The following SNX5 variants were observed in gnomAD, a reference collection of about 807,000 sequenced individuals.
SNX5 encodes sorting nexin-5.
A neutral mutation model predicts 53.9 loss-of-function variants in SNX5; 31 were observed. That is an observed-to-expected ratio of 0.58 (90% CI 0.43 to 0.78). The LOEUF is 0.78. SNX5 is among the 30% of genes least tolerant of loss of function. The pLI, the probability that SNX5 is intolerant of heterozygous loss-of-function variation, is 0.00. For missense variants in SNX5, 471 were observed against 478.8 expected (o/e 0.98, Z 0.15); for synonymous variants, 168 against 171.1 (o/e 0.98, Z 0.14).
At chr20:17,951,169 A>C (rs1050402659) in intron 6 of SNX5, 18 of 194,614 alleles carry the variant, frequency 9.2e-5, no homozygotes, top group Non-Finnish European at 1.1e-4. Context: ...GTAGTTGGTG[A>C]CCAAACTGGA....
At chr20:17,961,506 C>A in intron 1 of SNX5, 1 of 985,350 alleles carries the variant, frequency 1.0e-6, no homozygotes, top group Non-Finnish European at 1.2e-6. Context: ...GTTGAACAGT[C>A]ATTTAAATCT....
chr20:17,943,351 T>G, intron 11 of SNX5, 156 bp from the exon 12 acceptor site: 1 of 625,830 alleles, frequency 1.6e-6, no homozygotes, highest in Non-Finnish European at 2.9e-6. Context: ...CTGGGACACA[T>G]CAGACATCTA....
At chr20:17,952,115 C>G (rs1435935002) in intron 5 of SNX5, among the ~76,000 whole-genome samples, 3 of 151,940 alleles carry the variant, frequency 2.0e-5, no homozygotes, top group Non-Finnish European at 4.4e-5. Flanking sequence ...CCTAGCTACT[C>G]GGGAGGCTGA....
intron 11 of SNX5, among the ~76,000 whole-genome samples, chr20:17,946,838 T>C (rs1199340304): frequency 6.6e-6 from 1 of 152,164 alleles, no homozygotes; most frequent in Non-Finnish European, 1.5e-5. Flanking sequence ...TTGGATACTA[T>C]CTAATTGAGT....
In SNX5 at chr20:17,950,474, A is replaced by T. The variant is rs115924516; in HGVS notation, c.610-78T>A. ...AGCCTTTTACATTTATCAATATAAAAATATATTGCTTAGAACATGGCATAT... is the reference window on the plus strand; with the variant it reads ...AGCCTTTTACATTTATCAATATAAATATATATTGCTTAGAACATGGCATAT... On this transcript the variant is annotated intron_variant, in intron 6 of 12. Coordinates refer to ENST00000377759, the MANE Select transcript of SNX5 (RefSeq NM_014426.4). The T allele has an allele frequency of 2.7e-3, 2,180 of 797,544 alleles. 27 individuals are homozygous for T. In the African/African-American group the frequency reaches 0.033, roughly 12 times the overall value. 49.4% of individuals were successfully genotyped at this position (797,544 alleles called of 1,614,324 possible). A position where few individuals can be genotyped will look rare whatever the true frequency, so the allele number is the denominator to read the frequency against.
chr20:17,967,927 T>TG, intron 1 of SNX5: 1 of 394,428 alleles, frequency 2.5e-6, no homozygotes, highest in Non-Finnish European at 4.4e-6. Flanking sequence ...CCAAGTTGTT[T>TG]GGGCCCCCCC....
intron 1 of SNX5, among the ~76,000 whole-genome samples, chr20:17,963,308 T>TA (rs754006162): frequency 9.9e-5 from 15 of 151,774 alleles, no homozygotes; most frequent in South Asian, 4.2e-4. Context: ...AGCAAAGCCT[T>TA]AAAAAAAATC....
chr20:17,952,200 A>G (rs890357225), intron 5 of SNX5, among the ~76,000 whole-genome samples: 1 of 152,160 alleles, frequency 6.6e-6, no homozygotes, highest in Non-Finnish European at 1.5e-5. Context: ...TCCAGCCTGG[A>G]TGACAGAGCG....
chr20:17,968,566 G>A lies in SNX5; in HGVS notation c.-141C>T, dbSNP rs1301398103. ...CCTCCCTGCCCGACGGCGGCAGGAG[G>A]CCTCCGGACTCCGCCACCATCCCAG... On this transcript the variant is annotated 5_prime_UTR_variant, in exon 1 of 13. Transcript: ENST00000377759. The A allele has an allele frequency of 5.4e-6, 4 of 747,564 alleles. No homozygotes were observed. The highest frequency in any genetic ancestry group is 6.3e-6 in the Non-Finnish European group (3 of 474,264). 46.3% of individuals were successfully genotyped at this position (747,564 alleles called of 1,614,324 possible). A position where few individuals can be genotyped will look rare whatever the true frequency, so the allele number is the denominator to read the frequency against.
intron 1 of SNX5, among the ~76,000 whole-genome samples, chr20:17,967,184 T>A (rs547792002): frequency 6.6e-6 from 1 of 152,136 alleles, no homozygotes; most frequent in South Asian, 2.1e-4. Flanking sequence ...TGACTCCGAA[T>A]CAAGACAGCT....
chr20:17,962,569 G>C, intron 1 of SNX5: 1 of 361,438 alleles, frequency 2.8e-6, no homozygotes. Flanking sequence ...CTGTAATTCA[G>C]GCCTGCAATA....
intron 10 of SNX5, among the ~76,000 whole-genome samples, chr20:17,947,908 GTAAA>G (rs979604323): frequency 2.6e-5 from 4 of 152,146 alleles, no homozygotes; most frequent in African/African-American, 9.7e-5. Context: ...CAGTAATTCA[GTAAA>G]TAAAGTTAAC....
At chr20:17,950,513 G>A in intron 6 of SNX5, 117 bp from the exon 7 acceptor site, 1 of 632,832 alleles carries the variant, frequency 1.6e-6, no homozygotes, top group Non-Finnish European at 2.8e-6. Context: ...CGTGAGTAAA[G>A]TTTAACCTCT....
chr20:17,959,781 G>T (rs988643454), intron 1 of SNX5, among the ~76,000 whole-genome samples: 1 of 152,152 alleles, frequency 6.6e-6, no homozygotes, highest in African/African-American at 2.4e-5. Flanking sequence ...TCTCACTCGG[G>T]AAGCATCAAG....
At chr20:17,954,620 A>T (rs1210931888) in intron 3 of SNX5, among the ~76,000 whole-genome samples, 1 of 152,252 alleles carries the variant, frequency 6.6e-6, no homozygotes, top group Non-Finnish European at 1.5e-5. Context: ...GCCTGGCAGG[A>T]CAAAACGCGT....
At chr20:17,957,447 A>G (rs2035380847) in intron 1 of SNX5, among the ~76,000 whole-genome samples, 1 of 148,520 alleles carries the variant, frequency 6.7e-6, no homozygotes, top group Admixed American at 6.7e-5. Context: ...AAAAAAAAAA[A>G]GAATTAAAAA....
intron 1 of SNX5, chr20:17,961,027 T>G (rs1433293869): frequency 1.7e-6 from 1 of 574,320 alleles, no homozygotes; most frequent in South Asian, 7.7e-5. Flanking sequence ...ACGGCTTCAT[T>G]TGGAAAGCAC....
At position 17,968,766 on chromosome 20, in the gene SNX5, C is replaced by T. The variant is rs569421658; in HGVS notation, c.-341G>A. The stretch of plus-strand genomic sequence containing the variant: ...CGACACGGACGGGAAGCAACGGACA[C>T]TCTCCCAGCAAGACGCGTCTAGAGA... On this transcript the variant is annotated 5_prime_UTR_variant, in exon 1 of 13. The change creates a new upstream start codon in the 5' untranslated region. Transcript: ENST00000377759. 149 of 348,596 alleles carry T rather than the reference C, an allele frequency of 4.3e-4. No individual in the cohort carries two copies. Among genetic ancestry groups the T allele is most frequent in the Non-Finnish European group, 6.5e-4 (123 of 188,454 alleles). 21.6% of individuals were successfully genotyped at this position (348,596 alleles called of 1,614,324 possible).
intron 3 of SNX5, 47 bp downstream of exon 3, chr20:17,955,318 T>A (rs773262509): frequency 7.1e-7 from 1 of 1,399,228 alleles, no homozygotes; most frequent in South Asian, 1.2e-5. Flanking sequence ...AACTAATGCA[T>A]AGCAAGGCAG....
Sources: gnomAD v4.1 joint callset for allele counts (sites outside exome capture counted in the v4.1 genomes callset) on GRCh38, gnomAD v4.1.1 for gene constraint, MANE v1.5 for transcripts, NCBI Gene and HGNC (gene_info 2026-07-23, HGNC 2026-07-21) for gene names.